GRM5: variants seen among roughly 807,000 people sequenced by gnomAD.
The protein encoded by GRM5 is glutamate metabotropic receptor 5.
GRM5 carries 19 observed loss-of-function variants against 83.1 expected under a neutral mutation model. That is an observed-to-expected ratio of 0.23 (90% CI 0.16 to 0.34). GRM5 has a LOEUF of 0.34. Among genes scored for constraint, GRM5 ranks in the 10% least tolerant of loss-of-function variants. GRM5 has a pLI of 1.00. For missense variants in GRM5, 1,160 were observed against 1,588.3 expected (o/e 0.73, Z 4.58); for synonymous variants, 675 against 633.6 (o/e 1.07, Z -0.98).
chr11:88,613,383 A>G (rs1565154195), intron 4 of GRM5, among the ~76,000 whole-genome samples: 2 of 152,132 alleles, frequency 1.3e-5, no homozygotes, highest in Non-Finnish European at 2.9e-5. Context: ...GGGTGCTCCA[A>G]TGTTGGATAC....
At chr11:88,966,404 T>TA (rs5793372) in intron 2 of GRM5, among the ~76,000 whole-genome samples, 17,475 of 151,624 alleles carry the variant, frequency 0.12, 3,279 homozygotes, top group African/African-American at 0.39. Context: ...AAAAGCAGTT[T>TA]AAAAAAAAGC....
chr11:88,876,584 C>T (rs1339360855), intron 2 of GRM5, among the ~76,000 whole-genome samples: 1 of 152,106 alleles, frequency 6.6e-6, no homozygotes, highest in Admixed American at 6.6e-5. Flanking sequence ...ACACCTTCCT[C>T]ATTAAGCTTA....
intron 3 of GRM5, among the ~76,000 whole-genome samples, chr11:88,681,759 C>T (rs1402392084): frequency 6.0e-5 from 9 of 150,940 alleles, no homozygotes; most frequent in African/African-American, 1.5e-4. Flanking sequence ...TTAGTAGAGA[C>T]GTGGTTTCAC....
chr11:88,818,600 C>T (rs1943730120), intron 3 of GRM5, among the ~76,000 whole-genome samples: 1 of 151,978 alleles, frequency 6.6e-6, no homozygotes, highest in South Asian at 2.1e-4. Context: ...GAAATTATTG[C>T]TTTGCAAGTG....
chr11:88,667,125 T>C (rs1404292360), intron 3 of GRM5, among the ~76,000 whole-genome samples: 2 of 152,156 alleles, frequency 1.3e-5, no homozygotes, highest in East Asian at 3.8e-4. Flanking sequence ...AAGAACTCAA[T>C]GGATGTGTCA....
chr11:88,792,795 T>G (rs1943201469), intron 3 of GRM5, among the ~76,000 whole-genome samples: 1 of 152,166 alleles, frequency 6.6e-6, no homozygotes, highest in South Asian at 2.1e-4. Context: ...TTAGTGTTTT[T>G]TTAATGAAAT....
chr11:88,869,052 T>C (rs1265970453), intron 2 of GRM5, among the ~76,000 whole-genome samples: 3 of 151,756 alleles, frequency 2.0e-5, no homozygotes, highest in Non-Finnish European at 2.9e-5. Context: ...GATACCAGAA[T>C]GTAAAAACCA....
At chr11:88,743,197 C>A (rs1357977710) in intron 3 of GRM5, among the ~76,000 whole-genome samples, 1 of 152,078 alleles carries the variant, frequency 6.6e-6, no homozygotes, top group Non-Finnish European at 1.5e-5. Flanking sequence ...GATGGACCAT[C>A]TCACTTCTTC....
intron 4 of GRM5, among the ~76,000 whole-genome samples, chr11:88,650,300 T>C (rs1300614709): frequency 6.6e-6 from 1 of 151,966 alleles, no homozygotes; most frequent in Non-Finnish European, 1.5e-5. Context: ...ATTTTACAAT[T>C]TATATAGCTG....
intron 3 of GRM5, among the ~76,000 whole-genome samples, chr11:88,847,827 T>C (rs1469174386): frequency 6.6e-6 from 1 of 152,168 alleles, no homozygotes; most frequent in Non-Finnish European, 1.5e-5. Flanking sequence ...ATATACAAAA[T>C]AGATTTTAAA....
intron 2 of GRM5, among the ~76,000 whole-genome samples, chr11:88,853,206 A>G (rs183393588): frequency 1.4e-4 from 21 of 152,274 alleles, no homozygotes; most frequent in Admixed American, 9.2e-4. Flanking sequence ...CGCTACTTAC[A>G]GGTATAACGA....
rs1941675615 is a variant in GRM5, at chr11:89,047,813, T to C, written c.60A>G (p.Ala20=). The change falls in exon 2 of 10, where the codon GCA becomes GCG. Residue 20 remains alanine, a synonymous_variant. Transcript: ENST00000305447. This position sits in a 1 kb window ranked among gnomAD's most constrained non-coding sequence, Gnocchi z 5.1. ...LLLKEDVRGS[A]QSSERRVVAH... ...CCACCACCCTCCTCTCACTGGACTG[T>C]GCACTCCCACGGACATCTTCTTTCA... 7.4e-6 allele frequency: 12 copies of C among 1,613,940 alleles called. No homozygotes were observed. Among genetic ancestry groups the C allele is most frequent in the Non-Finnish European group, 1.0e-5 (12 of 1,179,834 alleles).
At chr11:88,525,240 G>C (rs943729340) in intron 9 of GRM5, 69 bp downstream of exon 9, 136 of 879,626 alleles carry the variant, frequency 1.5e-4, no homozygotes, top group Non-Finnish European at 2.4e-4. Flanking sequence ...CCAGACCAGG[G>C]AGCCACATGT....
At chr11:88,747,812 G>A (rs1942175231) in intron 3 of GRM5, among the ~76,000 whole-genome samples, 1 of 114,798 alleles carries the variant, frequency 8.7e-6, no homozygotes, top group African/African-American at 2.5e-5. Flanking sequence ...CTTAGAAACT[G>A]ATTTGTGTTA....
intron 3 of GRM5, among the ~76,000 whole-genome samples, chr11:88,658,193 T>C (rs1428699577): frequency 6.6e-6 from 1 of 152,114 alleles, no homozygotes; most frequent in Non-Finnish European, 1.5e-5. Context: ...GTCGTGCGCT[T>C]CTTATGAGAT....
rs1941196085 is a variant in GRM5 at position 88,506,876 on chromosome 11, TAAAAGA to T, written c.*1710_*1715del. 1 of 152,150 alleles carries T rather than the reference TAAAAGA, an allele frequency of 6.6e-6. No homozygotes were observed. Among genetic ancestry groups the T allele is most frequent in the African/African-American group, 2.4e-5 (1 of 41,400 alleles). 9.4% of individuals were successfully genotyped at this position (152,150 alleles called of 1,614,324 possible). On this transcript the variant is annotated 3_prime_UTR_variant, in exon 10 of 10. Transcript: ENST00000305447. ...ACTTACCAAAGTAAGGATATTGAGC[TAAAAGA>T]AAAAGTTTTATTTATTATTCTCTCT...
intron 1 of GRM5, among the ~76,000 whole-genome samples, chr11:89,064,888 C>CTCTCTCTCTCTCTGTGTGTGTGTG (rs1218318990): frequency 1.6e-5 from 1 of 62,266 alleles, no homozygotes; most frequent in African/African-American, 6.9e-5. Context: ...CTCTCTCTCT[C>CTCTCTCTCTCTCTGTGTGTGTGTG]TGTGTGTGTG....
chr11:88,616,966 A>G (rs1013285894), intron 4 of GRM5, among the ~76,000 whole-genome samples: 1 of 152,094 alleles, frequency 6.6e-6, no homozygotes, highest in Non-Finnish European at 1.5e-5. Flanking sequence ...CTGACACACA[A>G]TTGGCTCTAT....
intron 5 of GRM5, among the ~76,000 whole-genome samples, chr11:88,598,291 G>A (rs1489528933): frequency 3.3e-5 from 5 of 152,096 alleles, no homozygotes; most frequent in Admixed American, 2.6e-4. Context: ...AAATGTTCTC[G>A]CTTTTGGATT....
Sources: allele counts gnomAD v4.1 joint callset (sites outside exome capture counted in the v4.1 genomes callset), GRCh38; gene constraint gnomAD v4.1.1; non-coding constraint Gnocchi (gnomAD v3.1); transcripts MANE v1.5; gene names NCBI Gene and HGNC (gene_info 2026-07-23, HGNC 2026-07-21).